The following LRRC4C variants were observed in gnomAD, a reference collection of about 807,000 sequenced individuals.
LRRC4C encodes the protein leucine-rich repeat-containing protein 4C.
LRRC4C carries 5 observed loss-of-function variants against 33.6 expected under a neutral mutation model. The observed-to-expected ratio is 0.15, with a 90% CI of 0.08 to 0.31. The LOEUF (loss-of-function observed/expected upper bound fraction) is 0.31, where lower values mean the gene tolerates loss of function less well. Among genes scored for constraint, LRRC4C ranks in the 10% least tolerant of loss-of-function variants. LRRC4C has a pLI of 1.00. For missense variants in LRRC4C, 560 were observed against 796.7 expected (o/e 0.70, Z 3.58); for synonymous variants, 329 against 302.0 (o/e 1.09, Z -0.93).
chr11:40,879,339 A>G (rs1955057440), intron 2 of LRRC4C, among the ~76,000 whole-genome samples: 1 of 152,206 alleles, frequency 6.6e-6, no homozygotes. Context: ...GTGCTCAAAA[A>G]TTTCACAAAC....
intron 2 of LRRC4C, among the ~76,000 whole-genome samples, chr11:40,783,297 T>G (rs1489153308): frequency 6.6e-6 from 1 of 151,362 alleles, no homozygotes; most frequent in African/African-American, 2.4e-5. Context: ...TTTATTTTAT[T>G]TTATTTTTTA....
intron 4 of LRRC4C, among the ~76,000 whole-genome samples, chr11:40,242,775 T>A (rs1330099343): frequency 3.3e-5 from 3 of 89,920 alleles, no homozygotes; most frequent in Admixed American, 3.2e-4. Context: ...TAGAAAAAAG[T>A]GTATCATCCA....
intron 3 of LRRC4C, among the ~76,000 whole-genome samples, chr11:40,533,943 G>A (rs1282250868): frequency 6.6e-6 from 1 of 152,156 alleles, no homozygotes; most frequent in African/African-American, 2.4e-5. Flanking sequence ...TCAAGTAAGT[G>A]TGTGCATATA....
intron 2 of LRRC4C, among the ~76,000 whole-genome samples, chr11:40,899,943 ACC>A (rs1244584408): frequency 1.4e-4 from 22 of 152,170 alleles, no homozygotes; most frequent in African/African-American, 5.3e-4. Flanking sequence ...TCTGGAGAGT[ACC>A]TTAAGACTAT....
chr11:40,162,529 C>G (rs1302345747), intron 5 of LRRC4C, among the ~76,000 whole-genome samples: 1 of 152,136 alleles, frequency 6.6e-6, no homozygotes, highest in African/African-American at 2.4e-5. Context: ...TTTGGGAGAT[C>G]ACTCTGCAAC....
chr11:40,927,665 T>G (rs1348079079), intron 2 of LRRC4C, among the ~76,000 whole-genome samples: 1 of 152,218 alleles, frequency 6.6e-6, no homozygotes, highest in East Asian at 1.9e-4. Context: ...TGGTTGATTT[T>G]CCTAACATGT....
intron 1 of LRRC4C, among the ~76,000 whole-genome samples, chr11:41,021,210 AGAGAGT>A (rs1479127398): frequency 9.7e-5 from 13 of 133,490 alleles, no homozygotes; most frequent in African/African-American, 2.8e-4. Context: ...AGAGAGAGAG[AGAGAGT>A]GTGTGTGTGT....
rs79679471 is a variant in LRRC4C, at chr11:40,441,683, T to A, written c.-269-121962A>T. 1.6e-3 allele frequency among the ~76,000 whole-genome samples: 251 copies of A among 152,352 alleles called. 7 individuals are homozygous for A. The East Asian group carries it at 0.042, about 26-fold the overall frequency. The stretch of plus-strand genomic sequence containing the variant: ...TTTCAAAATGGTAGTCTTTCAATTA[T>A]CTGAGTTTTTTGAAGTCTTCTATGA... On this transcript the variant is annotated intron_variant, in intron 3 of 6. Transcript: ENST00000528697.
intron 1 of LRRC4C, among the ~76,000 whole-genome samples, chr11:41,208,868 C>T (rs2136302345): frequency 1.3e-5 from 2 of 152,292 alleles, no homozygotes; most frequent in Middle Eastern, 3.4e-3. Flanking sequence ...AAGGCCACTG[C>T]TCAGGGTCCT....
chr11:41,270,316 T>G (rs1739785627), intron 1 of LRRC4C, among the ~76,000 whole-genome samples: 1 of 152,154 alleles, frequency 6.6e-6, no homozygotes, highest in African/African-American at 2.4e-5. Context: ...AATAATTTAT[T>G]TATATTAAAG....
chr11:40,172,595 G>A lies in LRRC4C; in HGVS notation c.-95-31742C>T, dbSNP rs558819737. Among the ~76,000 whole-genome samples, 10 of 151,250 alleles carry A rather than the reference G, an allele frequency of 6.6e-5. No homozygotes were observed. In the South Asian group the frequency reaches 2.1e-3, roughly 32 times the overall value. ...AGTTTGTTTCTGTTTCATGGCATTTGCTGTCTGTCATTGTTCCTTCTGCTT... is the reference window on the plus strand; with the variant it reads ...AGTTTGTTTCTGTTTCATGGCATTTACTGTCTGTCATTGTTCCTTCTGCTT... On this transcript the variant is annotated intron_variant, in intron 5 of 6. Coordinates refer to ENST00000528697, the MANE Select transcript of LRRC4C (RefSeq NM_001258419.2).
At chr11:40,384,563 C>T (rs1002516455) in intron 3 of LRRC4C, among the ~76,000 whole-genome samples, 6 of 152,122 alleles carry the variant, frequency 3.9e-5, no homozygotes, top group African/African-American at 1.2e-4. Flanking sequence ...ACATTCAAAT[C>T]GTTCTCACTA....
chr11:40,406,354 T>C (rs1015033132), intron 3 of LRRC4C, among the ~76,000 whole-genome samples: 1 of 152,146 alleles, frequency 6.6e-6, no homozygotes, highest in Admixed American at 6.6e-5. Flanking sequence ...ACTATTATAG[T>C]CTGACTCATT....
chr11:41,291,465 A>G lies in LRRC4C; in HGVS notation c.-496+167966T>C, dbSNP rs560926918. Among the ~76,000 whole-genome samples the G allele has an allele frequency of 3.3e-5, 5 of 152,164 alleles. No homozygotes were observed. The South Asian group carries it at 1.0e-3, about 31-fold the overall frequency. ...ATTGTGGGTAATATAAAATCTCTAT[A>G]TATAACATGAATTTTTACTGCAAAA... On this transcript the variant is annotated intron_variant, in intron 1 of 6. Coordinates refer to ENST00000528697, the MANE Select transcript of LRRC4C (RefSeq NM_001258419.2).
rs146060656 is a variant in LRRC4C, at chr11:40,139,497, C to CT, written c.-43+1303dup. Among the ~76,000 whole-genome samples the CT allele has an allele frequency of 5.7e-3, 873 of 152,084 alleles. 8 individuals carry two copies. Among genetic ancestry groups the CT allele is most frequent in the African/African-American group, 0.02 (815 of 41,502 alleles). ...TGCATTGCATGTGAATAAAATGCAT[C>CT]TTTTTTTTGTTTGTTTATTTTATGG... On this transcript the variant is annotated intron_variant, in intron 6 of 6. Coordinates refer to ENST00000528697, the MANE Select transcript of LRRC4C (RefSeq NM_001258419.2).
rs1433897933 is a variant in LRRC4C at position 40,756,966 on chromosome 11, T to A, written c.-406-108688A>T. ...AAAGTGGACATCCCACAGAAGCACT[T>A]ATCCTTCTTTTAAACGTAGTAGCAT... On this transcript the variant is annotated intron_variant, in intron 2 of 6. Coordinates refer to ENST00000528697, the MANE Select transcript of LRRC4C (RefSeq NM_001258419.2). Among the ~76,000 whole-genome samples the A allele has an allele frequency of 2.0e-5, 3 of 152,110 alleles. No individual in the cohort carries two copies. The East Asian group carries it at 5.8e-4, about 29-fold the overall frequency.
chr11:41,078,406 G>A (rs1341643033), intron 1 of LRRC4C, among the ~76,000 whole-genome samples: 5 of 152,100 alleles, frequency 3.3e-5, no homozygotes, highest in South Asian at 2.1e-4. Context: ...AAAGAACTCC[G>A]TGATACTGGG....
At chr11:41,031,517 G>T (rs1056525289) in intron 1 of LRRC4C, among the ~76,000 whole-genome samples, 2 of 151,956 alleles carry the variant, frequency 1.3e-5, no homozygotes, top group Non-Finnish European at 2.9e-5. Flanking sequence ...GGTGTATATT[G>T]CTTGACAAGT....
intron 5 of LRRC4C, among the ~76,000 whole-genome samples, chr11:40,240,821 C>A (rs1865881841): frequency 6.6e-6 from 1 of 151,926 alleles, no homozygotes. Flanking sequence ...ATTATAGTTT[C>A]ATTAAGAAAG....
Sources: gnomAD v4.1 joint callset for allele counts (sites outside exome capture counted in the v4.1 genomes callset) on GRCh38, gnomAD v4.1.1 for gene constraint, MANE v1.5 for transcripts, NCBI Gene and HGNC (gene_info 2026-07-23, HGNC 2026-07-21) for gene names.